KIAA0825: variants seen among roughly 807,000 people sequenced by gnomAD.
The protein encoded by KIAA0825 is KIAA0825, also known as uncharacterized protein KIAA0825.
A neutral mutation model predicts 147.6 loss-of-function variants in KIAA0825; 119 were observed. The observed-to-expected ratio is 0.81, with a 90% confidence interval of 0.69 to 0.94. The LOEUF (loss-of-function observed/expected upper bound fraction) is 0.94, where lower values mean the gene tolerates loss of function less well. Among genes scored for constraint, KIAA0825 ranks in the 40% least tolerant of loss-of-function variants. The pLI is 0.00. For missense variants in KIAA0825, 1,381 were observed against 1,472.7 expected (o/e 0.94, Z 1.02); for synonymous variants, 470 against 518.1 (o/e 0.91, Z 1.26).
At chr5:94,617,465 T>C (rs1790839564) in intron 1 of KIAA0825, among the ~76,000 whole-genome samples, 1 of 152,180 alleles carries the variant, frequency 6.6e-6, no homozygotes, top group Non-Finnish European at 1.5e-5. Flanking sequence ...ATTGAACATA[T>C]TGCATTTTTC....
intron 20 of KIAA0825, among the ~76,000 whole-genome samples, chr5:94,247,321 C>T (rs1279395778): frequency 1.3e-5 from 2 of 152,048 alleles, no homozygotes; most frequent in Admixed American, 6.6e-5. Flanking sequence ...GAGCATAAAA[C>T]GTTTAAACAA....
chr5:94,332,174 A>AG (rs1781341580), intron 20 of KIAA0825, among the ~76,000 whole-genome samples: 1 of 151,054 alleles, frequency 6.6e-6, no homozygotes, highest in Non-Finnish European at 1.5e-5. Context: ...AAAAAAAAAA[A>AG]AAAAGAAAAG....
intron 3 of KIAA0825, among the ~76,000 whole-genome samples, chr5:94,533,129 C>A (rs1400082655): frequency 2.0e-5 from 3 of 151,580 alleles, no homozygotes; most frequent in Non-Finnish European, 2.9e-5. Flanking sequence ...CAGGCGCCCG[C>A]CACCACGCCC....
intron 20 of KIAA0825, among the ~76,000 whole-genome samples, chr5:94,311,122 T>A (rs912483844): frequency 6.6e-6 from 1 of 151,624 alleles, no homozygotes; most frequent in South Asian, 2.1e-4. Context: ...AGAAACTTCA[T>A]TGGCCTATTC....
intron 14 of KIAA0825, among the ~76,000 whole-genome samples, chr5:94,422,664 T>G (rs1754349975): frequency 6.6e-6 from 1 of 152,176 alleles, no homozygotes; most frequent in African/African-American, 2.4e-5. Flanking sequence ...TCCCTCTGCC[T>G]TCTGGACCAG....
At chr5:94,516,923 A>C (rs1405764732) in intron 5 of KIAA0825, among the ~76,000 whole-genome samples, 2 of 152,194 alleles carry the variant, frequency 1.3e-5, no homozygotes, top group East Asian at 3.8e-4. Context: ...CAAAATGGCG[A>C]AACACCATCT....
intron 2 of KIAA0825, among the ~76,000 whole-genome samples, chr5:94,555,554 GTGTA>G (rs1207343820): frequency 6.6e-6 from 1 of 152,118 alleles, no homozygotes; most frequent in Non-Finnish European, 1.5e-5. Context: ...ATATATGTGT[GTGTA>G]TGAAGTAGAA....
intron 20 of KIAA0825, among the ~76,000 whole-genome samples, chr5:94,320,809 A>G (rs1780109720): frequency 6.6e-6 from 1 of 152,078 alleles, no homozygotes; most frequent in African/African-American, 2.4e-5. Flanking sequence ...ATGTTTTACA[A>G]AAGAAAAATG....
At chr5:94,325,399 A>T (rs1780590272) in intron 20 of KIAA0825, among the ~76,000 whole-genome samples, 3 of 151,972 alleles carry the variant, frequency 2.0e-5, no homozygotes, top group Non-Finnish European at 2.9e-5. Context: ...ACACAATTGA[A>T]AATAAATGTA....
intron 20 of KIAA0825, among the ~76,000 whole-genome samples, chr5:94,376,252 G>T (rs1413514358): frequency 6.6e-6 from 1 of 151,990 alleles, no homozygotes; most frequent in South Asian, 2.1e-4. Context: ...CAGAAGTATG[G>T]TACATATTAA....
At chr5:94,522,624 G>C (rs1768446233) in intron 4 of KIAA0825, among the ~76,000 whole-genome samples, 1 of 151,518 alleles carries the variant, frequency 6.6e-6, no homozygotes, top group Non-Finnish European at 1.5e-5. Context: ...ACAGATGTAT[G>C]AAAAATGCCA....
At chr5:94,238,252 T>G (rs1045631766) in intron 20 of KIAA0825, among the ~76,000 whole-genome samples, 1 of 152,160 alleles carries the variant, frequency 6.6e-6, no homozygotes, top group African/African-American at 2.4e-5. Flanking sequence ...TGTTCAGGTA[T>G]TCACTGCAAA....
chr5:94,553,649 C>A (rs1209039417), intron 2 of KIAA0825, among the ~76,000 whole-genome samples: 2 of 151,242 alleles, frequency 1.3e-5, no homozygotes, highest in African/African-American at 4.9e-5. Flanking sequence ...GCCTGTAATC[C>A]CAGCTACTCA....
chr5:94,456,145 G>A (rs1184720762), intron 12 of KIAA0825, among the ~76,000 whole-genome samples: 2 of 152,132 alleles, frequency 1.3e-5, no homozygotes, highest in East Asian at 3.9e-4. Context: ...AGGAGGGACT[G>A]GAGAATGCGG....
In KIAA0825 at chr5:94,315,143, A is replaced by T. The variant is rs559337343; in HGVS notation, c.3710+69225T>A. Among the ~76,000 whole-genome samples, 3 of 151,828 alleles carry T rather than the reference A, an allele frequency of 2.0e-5. No individual in the cohort carries two copies. The South Asian group carries it at 6.2e-4, about 31-fold the overall frequency. ...ATATCTAATGATGAATGCAATTAGG[A>T]ATCCCACCAGTGTTTTAAATAATAA... On this transcript the variant is annotated intron_variant, in intron 20 of 20. Transcript: ENST00000682413.
At chr5:94,443,769 A>T (rs1262514869) in intron 13 of KIAA0825, among the ~76,000 whole-genome samples, 1 of 152,090 alleles carries the variant, frequency 6.6e-6, no homozygotes. Context: ...AGCTGTATCA[A>T]TCATACTGTC....
intron 5 of KIAA0825, among the ~76,000 whole-genome samples, chr5:94,503,462 T>C (rs1422482403): frequency 6.6e-5 from 10 of 152,286 alleles, no homozygotes; most frequent in Non-Finnish European, 1.5e-4. Context: ...GTGAATCCAC[T>C]TCTTCTCTGG....
intron 5 of KIAA0825, among the ~76,000 whole-genome samples, chr5:94,511,030 G>A (rs1165609677): frequency 6.6e-6 from 1 of 152,134 alleles, no homozygotes; most frequent in African/African-American, 2.4e-5. Flanking sequence ...AGGGATAGGT[G>A]ATGGGAGCAG....
At chr5:94,206,532 T>G (rs1380651079) in intron 20 of KIAA0825, among the ~76,000 whole-genome samples, 1 of 152,190 alleles carries the variant, frequency 6.6e-6, no homozygotes, top group African/African-American at 2.4e-5. Flanking sequence ...CAGGACAGAT[T>G]GATTTTTATT....
Sources: gnomAD v4.1 joint callset for allele counts (sites outside exome capture counted in the v4.1 genomes callset) on GRCh38, gnomAD v4.1.1 for gene constraint, MANE v1.5 for transcripts, NCBI Gene and HGNC (gene_info 2026-07-23, HGNC 2026-07-21) for gene names.